The following CELSR1 variants were observed in gnomAD, a reference collection of about 807,000 sequenced individuals.
The protein encoded by CELSR1 is adhesion G protein-coupled receptor C1.
In CELSR1, 110 loss-of-function variants were observed where a neutral mutation model predicts 249.1. That is an observed-to-expected ratio of 0.44 (90% CI 0.38 to 0.52). CELSR1 has a LOEUF of 0.52. Ranked by LOEUF, CELSR1 falls within the 20% of genes least tolerant of loss-of-function variation. CELSR1 has a pLI of 0.00. For missense variants in CELSR1, 4,109 were observed against 4,296.4 expected, an observed-to-expected ratio of 0.96 and a Z score of 1.22; for synonymous variants, 2,113 against 1,900.0, an observed-to-expected ratio of 1.11 and a Z score of -2.92.
At position 46,447,692 on chromosome 22, in the gene CELSR1, G is replaced by C. The variant is rs2079835922; in HGVS notation, c.4184-8281C>G. Reference sequence around the variant, plus strand: ...GGCTGGAGTGCAATGGTGCGATCTCGGCTCACAACCTCCACCTCCCAGGTT... The same window carrying C: ...GGCTGGAGTGCAATGGTGCGATCTCCGCTCACAACCTCCACCTCCCAGGTT... On this transcript the variant is annotated intron_variant, in intron 2 of 34. Coordinates refer to ENST00000674500, the MANE Select transcript of CELSR1 (RefSeq NM_001378328.1). The surrounding 1 kb of genome is among the most constrained non-coding windows in gnomAD (Gnocchi z 4.7). 6.6e-6 allele frequency among the ~76,000 whole-genome samples: 1 copy of C among 152,056 alleles called. No individual in the cohort carries two copies. The highest frequency in any genetic ancestry group is 1.5e-5 in the Non-Finnish European group (1 of 68,010).
At position 46,436,023 on chromosome 22, in the gene CELSR1, T is replaced by C; in HGVS notation, c.4522+151A>G. ...CTGTTATGAACATCTTTGTGTACTTTGGATTTCTTAAATAAGACAGCTTCC... is the reference window on the plus strand; with the variant it reads ...CTGTTATGAACATCTTTGTGTACTTCGGATTTCTTAAATAAGACAGCTTCC... On this transcript the variant is annotated intron_variant, in intron 4 of 34. Transcript: ENST00000674500. This position sits in a 1 kb window ranked among gnomAD's most constrained non-coding sequence, Gnocchi z 5.9. 1.6e-6 allele frequency: 1 copy of C among 611,154 alleles called. No homozygotes were observed. Among genetic ancestry groups the C allele is most frequent in the Non-Finnish European group, 2.9e-6 (1 of 350,030 alleles). The allele number at this position is 611,154 out of a possible 1,614,324, so 37.9% of individuals were successfully genotyped here.
chr22:46,372,416 C>G (rs1426912528), intron 25 of CELSR1, among the ~76,000 whole-genome samples: 1 of 120,748 alleles, frequency 8.3e-6, no homozygotes, highest in Non-Finnish European at 1.9e-5. Flanking sequence ...CACCCCTCCA[C>G]CCATCCATCC....
chr22:46,457,353 GA>G (rs1228106463), intron 2 of CELSR1, among the ~76,000 whole-genome samples: 1 of 151,850 alleles, frequency 6.6e-6, no homozygotes, highest in Non-Finnish European at 1.5e-5. Context: ...CGGGGGCGGG[GA>G]AAAAGATTAT....
At chr22:46,481,246 A>AAC (rs1476866924) in intron 1 of CELSR1, 2 of 368,812 alleles carry the variant, frequency 5.4e-6, no homozygotes, top group Non-Finnish European at 5.1e-6. Flanking sequence ...ATGTCTCAAA[A>AAC]AAAAAAAAGA....
intron 1 of CELSR1, among the ~76,000 whole-genome samples, chr22:46,501,086 T>A (rs2080461744): frequency 6.6e-6 from 1 of 151,882 alleles, no homozygotes; most frequent in Non-Finnish European, 1.5e-5. Flanking sequence ...CAGGCTAGAG[T>A]GCAATGGCAT....
chr22:46,421,037 C>T (rs545373851), intron 5 of CELSR1, among the ~76,000 whole-genome samples: 4 of 152,136 alleles, frequency 2.6e-5, no homozygotes, highest in Non-Finnish European at 5.9e-5. Context: ...TAAACCCGGC[C>T]CTCCCATCAT....
intron 3 of CELSR1, among the ~76,000 whole-genome samples, chr22:46,438,499 A>G (rs970480491): frequency 4.6e-5 from 7 of 151,998 alleles, no homozygotes; most frequent in Non-Finnish European, 8.8e-5. Context: ...TCCCTACAAA[A>G]CCCTCGGTGA....
At chr22:46,384,718 C>T in intron 19 of CELSR1, 32 bp from the exon 20 acceptor site, 2 of 1,585,876 alleles carry the variant, frequency 1.3e-6, no homozygotes, top group Non-Finnish European at 1.7e-6. Flanking sequence ...TCAGACATAA[C>T]TCCCAGGGCT....
chr22:46,478,190 G>A (rs189234026), intron 1 of CELSR1, among the ~76,000 whole-genome samples: 1 of 152,262 alleles, frequency 6.6e-6, no homozygotes, highest in Non-Finnish European at 1.5e-5. Context: ...CAGACCACTC[G>A]GGCCTCTGCG....
chr22:46,377,232 G>A lies in CELSR1; in HGVS notation c.7413C>T (p.Val2471=). 1.2e-6 allele frequency: 2 copies of A among 1,614,026 alleles called. No homozygotes were observed. Among genetic ancestry groups the A allele is most frequent in the Non-Finnish European group, 1.7e-6 (2 of 1,180,036 alleles). The change falls in exon 24 of 35, where the codon GTC becomes GTT. Residue 2471 remains valine, a synonymous_variant. Coordinates refer to ENST00000674500, the MANE Select transcript of CELSR1 (RefSeq NM_001378328.1). ...GTGACAAGGACACAGCGGCATAGGT[G>A]ACAATCTTCAGAGGCAGGACCTCCC... is the stretch of plus-strand genomic sequence containing the variant. The part of the protein sequence containing the change: ...ENGEVLPLKI[V]TYAAVSLSLA...
intron 2 of CELSR1, among the ~76,000 whole-genome samples, chr22:46,456,892 G>A (rs1336061159): frequency 1.6e-5 from 2 of 127,262 alleles, no homozygotes; most frequent in African/African-American, 6.1e-5. Context: ...ACCATGACCT[G>A]GGGCGGGGGG....
Position 46,447,103 on chromosome 22 carries a change from G to T in CELSR1, c.4184-7692C>A, listed in dbSNP as rs2079829691. Among the ~76,000 whole-genome samples, 1 of 152,130 alleles carries T rather than the reference G, an allele frequency of 6.6e-6. No homozygotes were observed. Among genetic ancestry groups the T allele is most frequent in the African/African-American group, 2.4e-5 (1 of 41,440 alleles). The stretch of plus-strand genomic sequence containing the variant: ...CTGTTTAAACAAGGTAACTGGAGGG[G>T]CTGCTCCCCACCAACCCTCAGGGAG... On this transcript the variant is annotated intron_variant, in intron 2 of 34. Transcript: ENST00000674500. The surrounding 1 kb of genome is among the most constrained non-coding windows in gnomAD (Gnocchi z 4.7).
At chr22:46,479,803 T>C (rs937425577) in intron 1 of CELSR1, among the ~76,000 whole-genome samples, 1 of 152,178 alleles carries the variant, frequency 6.6e-6, no homozygotes, top group Non-Finnish European at 1.5e-5. Flanking sequence ...GCAGGAACAC[T>C]GCAAGCTGCG....
chr22:46,388,407 G>T (rs557209114), intron 18 of CELSR1, among the ~76,000 whole-genome samples: 1 of 152,042 alleles, frequency 6.6e-6, no homozygotes, highest in Non-Finnish European at 1.5e-5. Context: ...GTGGAGTCAC[G>T]CATGGAGAAC....
chr22:46,429,410 C>T lies in CELSR1; in HGVS notation c.4611+3983G>A, dbSNP rs1338952650. On this transcript the variant is annotated intron_variant, in intron 5 of 34. Transcript: ENST00000674500. The surrounding 1 kb of genome is among the most constrained non-coding windows in gnomAD (Gnocchi z 4.1). Reference sequence around the variant, plus strand: ...ACGACTGAAAATGCTCCACTCGGCCCCAAACCTCCCGGCGTGGCTGTGGGC... The same window carrying T: ...ACGACTGAAAATGCTCCACTCGGCCTCAAACCTCCCGGCGTGGCTGTGGGC... Among the ~76,000 whole-genome samples, 1 of 152,202 alleles carries T rather than the reference C, an allele frequency of 6.6e-6. No homozygotes were observed. Among genetic ancestry groups the T allele is most frequent in the Admixed American group, 6.5e-5 (1 of 15,292 alleles).
intron 5 of CELSR1, among the ~76,000 whole-genome samples, chr22:46,415,934 G>C (rs1482163498): frequency 6.6e-6 from 1 of 152,240 alleles, no homozygotes; most frequent in Non-Finnish European, 1.5e-5. Flanking sequence ...GACAAAGTGC[G>C]TCTCCGCTGA....
At position 46,411,549 on chromosome 22, in the gene CELSR1, T is replaced by C. The variant is rs1265917826; in HGVS notation, c.4769+53A>G. On this transcript the variant is annotated intron_variant, in intron 6 of 34. Coordinates refer to ENST00000674500, the MANE Select transcript of CELSR1 (RefSeq NM_001378328.1). This position sits in a 1 kb window ranked among gnomAD's most constrained non-coding sequence, Gnocchi z 4.2. ...GCCCTGCCCTGGGAAGGCCGCAGGG[T>C]GAGCATGTTTGGGGGTACGGACCCC... 6.2e-7 allele frequency: 1 copy of C among 1,605,580 alleles called. No homozygotes were observed. The highest frequency in any genetic ancestry group is 8.5e-7 in the Non-Finnish European group (1 of 1,175,494).
In CELSR1 at chr22:46,423,642, A is replaced by C. The variant is rs1315217199; in HGVS notation, c.4611+9751T>G. Among the ~76,000 whole-genome samples, 1 of 149,644 alleles carries C rather than the reference A, an allele frequency of 6.7e-6. No individual in the cohort carries two copies. The highest frequency in any genetic ancestry group is 1.5e-5 in the Non-Finnish European group (1 of 67,690). ...AAAAAAAAGACTCCATGCTTTAGGC[A>C]GTTTATGACCTTGAAAAAGCTATCC... On this transcript the variant is annotated intron_variant, in intron 5 of 34. Transcript: ENST00000674500. The surrounding 1 kb of genome is among the most constrained non-coding windows in gnomAD (Gnocchi z 5.6).
intron 2 of CELSR1, among the ~76,000 whole-genome samples, chr22:46,443,247 C>T (rs973210665): frequency 1.3e-5 from 2 of 152,254 alleles, no homozygotes; most frequent in Admixed American, 6.5e-5. Context: ...CCAGTAACCC[C>T]GAGGGCTCAC....
Sources: allele counts gnomAD v4.1 joint callset (sites outside exome capture counted in the v4.1 genomes callset), GRCh38; gene constraint gnomAD v4.1.1; non-coding constraint Gnocchi (gnomAD v3.1); transcripts MANE v1.5; gene names NCBI Gene and HGNC (gene_info 2026-07-23, HGNC 2026-07-21).